The following SLC4A5 variants were observed in gnomAD, a reference collection of about 807,000 sequenced individuals.
SLC4A5 encodes solute carrier family 4 member 5, also known as electrogenic sodium bicarbonate cotransporter 4.
In SLC4A5, 96 loss-of-function variants were observed where a neutral mutation model predicts 120.4. The observed-to-expected ratio is 0.80, with a 90% CI of 0.68 to 0.94. SLC4A5 has a LOEUF of 0.94. Among genes scored for constraint, SLC4A5 ranks in the 40% least tolerant of loss-of-function variants. SLC4A5 has a pLI of 0.00. For missense variants in SLC4A5, 1,259 were observed against 1,459.5 expected (o/e 0.86, Z 2.24); for synonymous variants, 550 against 571.1 (o/e 0.96, Z 0.53).
At position 74,231,230 on chromosome 2, in the gene SLC4A5, C is replaced by T. The variant is rs1299324857; in HGVS notation, c.2847+6G>A. The T allele has an allele frequency of 1.2e-6, 2 of 1,610,664 alleles. No homozygotes were observed. Among genetic ancestry groups the T allele is most frequent in the Non-Finnish European group, 1.7e-6 (2 of 1,178,228 alleles). On this transcript the variant is annotated splice_donor_region_variant and intron_variant, in intron 25 of 30. Coordinates refer to ENST00000394019, the Ensembl canonical transcript of SLC4A5. The stretch of plus-strand genomic sequence containing the variant: ...CGAGGCCCTAGGTGACAGTGCAGGA[C>T]CTCACCTTTAGGATGGGAGCCAGGA...
chr2:74,304,138 C>T (rs1672561689), intron 7 of SLC4A5, among the ~76,000 whole-genome samples: 2 of 152,234 alleles, frequency 1.3e-5, no homozygotes, highest in South Asian at 2.1e-4. Flanking sequence ...CGTGAGCCAC[C>T]GCGCCCGGCC....
chr2:74,284,425 C>T (rs1671915541), intron 8 of SLC4A5, among the ~76,000 whole-genome samples: 1 of 73,376 alleles, frequency 1.4e-5, no homozygotes, highest in South Asian at 3.7e-4. Flanking sequence ...CATGATCCAC[C>T]CGCCTCGGCC....
chr2:74,221,652 G>A (rs1273957300), intron 29 of SLC4A5, 151 bp from the exon 30 acceptor site: 25 of 765,688 alleles, frequency 3.3e-5, no homozygotes, highest in Non-Finnish European at 4.8e-5. Flanking sequence ...GTGTGGCTTC[G>A]GGCTTAGTTA....
At chr2:74,302,728 T>C (rs1284515855) in intron 7 of SLC4A5, among the ~76,000 whole-genome samples, 1 of 152,226 alleles carries the variant, frequency 6.6e-6, no homozygotes, top group East Asian at 1.9e-4. Context: ...AAATCCACCA[T>C]CTATAACTAC....
intron 3 of SLC4A5, among the ~76,000 whole-genome samples, chr2:74,336,907 G>A (rs1348781497): frequency 6.6e-6 from 1 of 152,160 alleles, no homozygotes; most frequent in African/African-American, 2.4e-5. Flanking sequence ...CAGGGAAGGT[G>A]TGTGAAAACA....
At chr2:74,241,876 C>A in intron 20 of SLC4A5, 118 bp downstream of exon 20, 2 of 799,508 alleles carry the variant, frequency 2.5e-6, no homozygotes, top group Non-Finnish European at 4.1e-6. Flanking sequence ...TGACGTGCAG[C>A]TGGAGTTGAC....
intron 8 of SLC4A5, among the ~76,000 whole-genome samples, chr2:74,283,917 A>C (rs944058358): frequency 5.4e-5 from 8 of 149,242 alleles, no homozygotes; most frequent in African/African-American, 2.0e-4. Context: ...GGCTCACTGC[A>C]GCCTCAACTT....
In SLC4A5 at chr2:74,322,900, T is replaced by C. The variant is rs540558418; in HGVS notation, c.-3+5220A>G. On this transcript the variant is annotated intron_variant, in intron 5 of 30. Coordinates refer to ENST00000394019, the Ensembl canonical transcript of SLC4A5. The stretch of plus-strand genomic sequence containing the variant: ...CAGAAACAGGTCACCTGTCAATGAA[T>C]AGAAATCAGACTAGCAGAAGACTCC... 6.0e-4 allele frequency among the ~76,000 whole-genome samples: 91 copies of C among 152,246 alleles called. 1 individual carries two copies. Among genetic ancestry groups the C allele is most frequent in the African/African-American group, 2.0e-3 (85 of 41,544 alleles).
intron 6 of SLC4A5, among the ~76,000 whole-genome samples, chr2:74,308,634 T>G (rs987937492): frequency 5.9e-5 from 9 of 152,214 alleles, no homozygotes; most frequent in African/African-American, 2.2e-4. Context: ...ATCAGATACA[T>G]GCCTTTTGCA....
rs1378972142 is a variant in SLC4A5 at position 74,221,598 on chromosome 2, C to G, written c.3332-97G>C. On this transcript the variant is annotated intron_variant, in intron 29 of 30. Coordinates refer to ENST00000394019, the Ensembl canonical transcript of SLC4A5. ...ATTTCCTTTCTTTTCCTTCTCTAAC[C>G]CTAGAGCCAACACTATGCAAGAGGA... 4 of 1,245,784 alleles carry G rather than the reference C, an allele frequency of 3.2e-6. No individual in the cohort carries two copies. In the Admixed American group the frequency reaches 6.9e-5, roughly 22 times the overall value. 77.2% of individuals were successfully genotyped at this position (1,245,784 alleles called of 1,614,324 possible).
chr2:74,269,485 C>T (rs931824447), intron 8 of SLC4A5, among the ~76,000 whole-genome samples: 10 of 152,190 alleles, frequency 6.6e-5, no homozygotes, highest in African/African-American at 2.2e-4. Flanking sequence ...CACCCACCTC[C>T]GCCTCTAAAA....
At chr2:74,306,238 C>T (rs1238133771) in intron 6 of SLC4A5, among the ~76,000 whole-genome samples, 5 of 152,154 alleles carry the variant, frequency 3.3e-5, no homozygotes, top group South Asian at 2.1e-4. Context: ...CAACTAGAAA[C>T]ATTCAAAACC....
chr2:74,220,367 T>C (rs965666058), intron 30 of SLC4A5, among the ~76,000 whole-genome samples: 1 of 152,188 alleles, frequency 6.6e-6, no homozygotes, highest in Non-Finnish European at 1.5e-5. Context: ...ATCTCTGATG[T>C]TGGCTTTCCT....
intron 25 of SLC4A5, among the ~76,000 whole-genome samples, chr2:74,228,943 TTC>T (rs1404755220): frequency 6.6e-6 from 1 of 152,022 alleles, no homozygotes; most frequent in Admixed American, 6.6e-5. Flanking sequence ...GCCCCTTACC[TTC>T]TCTCTTTCAC....
chr2:74,277,656 C>CA (rs1404371162), intron 8 of SLC4A5, among the ~76,000 whole-genome samples: 1 of 152,130 alleles, frequency 6.6e-6, no homozygotes, highest in Non-Finnish European at 1.5e-5. Context: ...CCTAACAAGA[C>CA]AGGAGATATA....
At chr2:74,263,554 G>T (rs1671207665) in intron 10 of SLC4A5, among the ~76,000 whole-genome samples, 1 of 152,124 alleles carries the variant, frequency 6.6e-6, no homozygotes, top group Non-Finnish European at 1.5e-5. Flanking sequence ...ATGTGTACAT[G>T]CAACAAGCCA....
At chr2:74,322,899 A>G (rs1183973766) in intron 5 of SLC4A5, among the ~76,000 whole-genome samples, 3 of 152,196 alleles carry the variant, frequency 2.0e-5, no homozygotes, top group African/African-American at 7.2e-5. Context: ...CTGTCAATGA[A>G]TAGAAATCAG....
intron 10 of SLC4A5, among the ~76,000 whole-genome samples, chr2:74,262,742 T>C (rs575718991): frequency 2.0e-5 from 3 of 151,864 alleles, no homozygotes; most frequent in Non-Finnish European, 2.9e-5. Context: ...ATCTGTACTG[T>C]TGAAAGTGAG....
At chr2:74,259,456 C>A in intron 12 of SLC4A5, 132 bp downstream of exon 12, 2 of 1,057,946 alleles carry the variant, frequency 1.9e-6, no homozygotes, top group Non-Finnish European at 2.9e-6. Context: ...AGAGTCCCCA[C>A]TGGGGATCTT....
Sources: gnomAD v4.1 joint callset for allele counts (sites outside exome capture counted in the v4.1 genomes callset) on GRCh38, gnomAD v4.1.1 for gene constraint, MANE v1.5 for transcripts, NCBI Gene and HGNC (gene_info 2026-07-23, HGNC 2026-07-21) for gene names.